RIMS1: variants seen among roughly 807,000 people sequenced by gnomAD.
The protein encoded by RIMS1 is regulating synaptic membrane exocytosis 1.
Under a neutral mutation model 214.1 loss-of-function variants are expected in RIMS1, and 83 were observed. The observed-to-expected ratio is 0.39, with a 90% CI of 0.32 to 0.47. RIMS1 has a LOEUF of 0.47. Among genes scored for constraint, RIMS1 ranks in the 20% least tolerant of loss-of-function variants. RIMS1 has a pLI of 0.99. For missense variants in RIMS1, 2,050 were observed against 2,161.8 expected, an observed-to-expected ratio of 0.95 and a Z score of 1.03; for synonymous variants, 793 against 786.8, an observed-to-expected ratio of 1.01 and a Z score of -0.13.
In RIMS1 at chr6:72,401,012, C is replaced by G. The variant is rs1240164381; in HGVS notation, c.*298C>G. On this transcript the variant is annotated 3_prime_UTR_variant, in exon 34 of 34. Coordinates refer to ENST00000521978, the MANE Select transcript of RIMS1 (RefSeq NM_014989.7). ...GCATACACGTACACACACACATGCA[C>G]ACACACACACACCAAATTGAACAAA... The G allele has an allele frequency of 3.5e-6, 1 of 286,108 alleles. No individual in the cohort carries two copies. Among genetic ancestry groups the G allele is most frequent in the African/African-American group, 2.1e-5 (1 of 47,066 alleles). 17.7% of individuals were successfully genotyped at this position (286,108 alleles called of 1,614,324 possible). A position where few individuals can be genotyped will look rare whatever the true frequency, so the allele number is the denominator to read the frequency against.
chr6:72,063,578 C>T (rs535681843), intron 2 of RIMS1, among the ~76,000 whole-genome samples: 1 of 152,260 alleles, frequency 6.6e-6, no homozygotes, highest in South Asian at 2.1e-4. Context: ...AGTCACAACA[C>T]TCAAGGACTG....
At chr6:72,396,286 ATG>A (rs774418225) in intron 31 of RIMS1, among the ~76,000 whole-genome samples, 2 of 152,118 alleles carry the variant, frequency 1.3e-5, no homozygotes, top group South Asian at 2.1e-4. Context: ...ACACGTGTGT[ATG>A]TGTGTGTGTA....
At chr6:72,009,845 AC>A (rs1220254792) in intron 2 of RIMS1, among the ~76,000 whole-genome samples, 1 of 152,194 alleles carries the variant, frequency 6.6e-6, no homozygotes, top group Admixed American at 6.5e-5. Flanking sequence ...TAGCTTCCCA[AC>A]CAAAAAAATC....
chr6:71,986,810 G>T (rs1800103273), intron 2 of RIMS1, among the ~76,000 whole-genome samples: 2 of 152,228 alleles, frequency 1.3e-5, no homozygotes, highest in South Asian at 4.1e-4. Context: ...AGTTGGAATG[G>T]GCAATAGCCC....
intron 6 of RIMS1, among the ~76,000 whole-genome samples, chr6:72,212,077 A>T (rs920892218): frequency 6.6e-6 from 1 of 152,162 alleles, no homozygotes; most frequent in Non-Finnish European, 1.5e-5. Flanking sequence ...TGCTATTTAC[A>T]ACATTTTCTG....
chr6:72,250,506 T>C lies in RIMS1; in HGVS notation c.2372+46T>C, dbSNP rs561841287. 9 of 1,312,292 alleles carry C rather than the reference T, an allele frequency of 6.9e-6. No homozygotes were observed. The South Asian group carries it at 9.8e-5, about 14-fold the overall frequency. 81.3% of individuals were successfully genotyped at this position (1,312,292 alleles called of 1,614,324 possible). ...AAAAAAATCTTAAAATCTGTACTAA[T>C]AGAAAAGGTAGAATTTTCTCTTTTG... On this transcript the variant is annotated intron_variant, in intron 13 of 33. Transcript: ENST00000521978.
At chr6:72,066,316 AT>A (rs1053242955) in intron 2 of RIMS1, among the ~76,000 whole-genome samples, 5 of 152,174 alleles carry the variant, frequency 3.3e-5, no homozygotes, top group African/African-American at 1.2e-4. Flanking sequence ...CTGTGACTTG[AT>A]AAAATATTTC....
chr6:72,354,784 A>C (rs1389993987), intron 29 of RIMS1, among the ~76,000 whole-genome samples: 1 of 152,210 alleles, frequency 6.6e-6, no homozygotes, highest in Non-Finnish European at 1.5e-5. Flanking sequence ...AAACCTCTTT[A>C]GTGCTTTAGA....
rs956378195 is a variant in RIMS1 at position 72,182,829 on chromosome 6, G to C, written c.1358G>C (p.Arg453Thr). 1.3e-6 allele frequency: 2 copies of C among 1,551,270 alleles called. No homozygotes were observed. The highest frequency in any genetic ancestry group is 1.7e-6 in the Non-Finnish European group (2 of 1,150,500). The change falls in exon 6 of 34, where the codon AGA (arginine) becomes ACA (threonine). Residue 453 changes from arginine (R) to threonine (T), a missense_variant. Physicochemically the swap from Arg to Thr is moderately conservative, Grantham distance 71. Around this residue, in one of 6 missense-constraint regions of RIMS1, gnomAD observed 882 missense variants for 828.9 expected, o/e 1.06. Transcript: ENST00000521978. ...ACGAACCACAGCCCGCCGGCGCCCAGACATGGGCCGGTTCCCGCAGAAGCC... is the reference window on the plus strand; with the variant it reads ...ACGAACCACAGCCCGCCGGCGCCCACACATGGGCCGGTTCCCGCAGAAGCC... ...QLTNHSPPAP[R>T]HGPVPAEAPE... is the part of the protein sequence containing the mutation.
intron 1 of RIMS1, among the ~76,000 whole-genome samples, chr6:71,928,496 G>GTA (rs1184633210): frequency 6.6e-6 from 1 of 151,852 alleles, no homozygotes; most frequent in Non-Finnish European, 1.5e-5. Context: ...CCTATGGAGG[G>GTA]TATATTAAAA....
chr6:71,932,265 T>C (rs1480509271), intron 1 of RIMS1, among the ~76,000 whole-genome samples: 3 of 152,090 alleles, frequency 2.0e-5, no homozygotes, highest in Non-Finnish European at 4.4e-5. Flanking sequence ...GAAAATGTGA[T>C]GCATATAACC....
intron 4 of RIMS1, chr6:72,148,631 G>A (rs1300320470): frequency 4.4e-6 from 2 of 456,692 alleles, no homozygotes; most frequent in Admixed American, 2.3e-5. Context: ...GGGGAGCCCA[G>A]TCAGCAGGAA....
intron 4 of RIMS1, among the ~76,000 whole-genome samples, chr6:72,148,121 A>G (rs2042993772): frequency 6.6e-6 from 1 of 152,234 alleles, no homozygotes; most frequent in Non-Finnish European, 1.5e-5. Flanking sequence ...TTAAGGCTTC[A>G]GGAAATTAAG....
intron 6 of RIMS1, among the ~76,000 whole-genome samples, chr6:72,231,290 A>T (rs2061873508): frequency 1.3e-5 from 2 of 151,622 alleles, no homozygotes; most frequent in South Asian, 4.1e-4. Context: ...TTTAGATTTT[A>T]TTTTTTGTAA....
At chr6:72,078,579 G>A (rs752024837) in intron 2 of RIMS1, among the ~76,000 whole-genome samples, 46 of 152,110 alleles carry the variant, frequency 3.0e-4, no homozygotes, top group Non-Finnish European at 1.0e-4. Flanking sequence ...ATCGGAAGTT[G>A]AGACAGGTTG....
intron 29 of RIMS1, among the ~76,000 whole-genome samples, chr6:72,364,900 C>T (rs925516820): frequency 1.1e-4 from 16 of 152,292 alleles, no homozygotes; most frequent in Admixed American, 7.2e-4. Flanking sequence ...TTCAGGCCTG[C>T]TTTCCTTATG....
intron 6 of RIMS1, chr6:72,213,331 T>G: frequency 2.7e-5 from 27 of 1,008,868 alleles, no homozygotes; most frequent in Non-Finnish European, 3.5e-5. Flanking sequence ...TTCTATTCTC[T>G]GTGTGTCAGG....
At chr6:72,224,045 G>T (rs980647373) in intron 6 of RIMS1, among the ~76,000 whole-genome samples, 1 of 151,678 alleles carries the variant, frequency 6.6e-6, no homozygotes, top group Non-Finnish European at 1.5e-5. Context: ...TCATAGAGGA[G>T]ATTATCAGCA....
At chr6:72,106,028 A>T (rs368255881) in intron 4 of RIMS1, among the ~76,000 whole-genome samples, 89 of 152,342 alleles carry the variant, frequency 5.8e-4, no homozygotes, top group African/African-American at 2.0e-3. Context: ...CCATAACATG[A>T]AATTAGATAT....
Sources: allele counts gnomAD v4.1 joint callset (sites outside exome capture counted in the v4.1 genomes callset), GRCh38; gene constraint gnomAD v4.1.1; regional missense constraint gnomAD v4.1.1; transcripts MANE v1.5; gene names NCBI Gene and HGNC (gene_info 2026-07-23, HGNC 2026-07-21).